FANCC: variants seen among roughly 807,000 people sequenced by gnomAD.
FANCC encodes the protein Fanconi anemia group C protein.
Under a neutral mutation model 71.3 loss-of-function variants are expected in FANCC, and 55 were observed. The ratio of observed to expected loss-of-function variants is 0.77; its 90% CI spans 0.62 to 0.97. The LOEUF (loss-of-function observed/expected upper bound fraction) is 0.97, where lower values mean the gene tolerates loss of function less well. Ranked by LOEUF, FANCC falls within the 50% of genes least tolerant of loss-of-function variation. The pLI, the probability that FANCC is intolerant of heterozygous loss-of-function variation, is 0.00. For missense variants in FANCC, 678 were observed against 670.9 expected (o/e 1.01, Z -0.12); for synonymous variants, 275 against 244.9 (o/e 1.12, Z -1.15).
chr9:95,293,389 C>A, intron 1 of FANCC: 2 of 1,582,588 alleles, frequency 1.3e-6, no homozygotes, highest in Non-Finnish European at 1.7e-6. Flanking sequence ...TCAGTAGGAA[C>A]CCTGATCCTC....
intron 7 of FANCC, among the ~76,000 whole-genome samples, chr9:95,142,062 G>A (rs13295862): frequency 0.4 from 55,758 of 139,976 alleles, 11,204 homozygotes; most frequent in East Asian, 0.6. Context: ...GCACGATCTC[G>A]GCTCACTACA....
chr9:95,170,637 C>CGTGTGTGTGTGTGT (rs3992109), intron 6 of FANCC, among the ~76,000 whole-genome samples: 11,864 of 124,026 alleles, frequency 0.096, 799 homozygotes, highest in Non-Finnish European at 0.12. Flanking sequence ...TTGTAAATAT[C>CGTGTGTGTGTGTGT]GTGTGTGTGT....
At chr9:95,189,096 T>G (rs1414334771) in intron 4 of FANCC, among the ~76,000 whole-genome samples, 2 of 152,182 alleles carry the variant, frequency 1.3e-5, no homozygotes, top group East Asian at 3.8e-4. Flanking sequence ...TGGAACAAAT[T>G]TATTCCCATC....
At chr9:95,127,649 G>A (rs1826207227) in intron 8 of FANCC, among the ~76,000 whole-genome samples, 1 of 152,222 alleles carries the variant, frequency 6.6e-6, no homozygotes, top group Non-Finnish European at 1.5e-5. Context: ...GGCGCTATTG[G>A]AAATTCAAGT....
At chr9:95,282,400 T>C (rs1050889423) in intron 1 of FANCC, among the ~76,000 whole-genome samples, 2 of 152,124 alleles carry the variant, frequency 1.3e-5, no homozygotes, top group Admixed American at 6.5e-5. Flanking sequence ...GGTAAATGTA[T>C]ATGCACCCAA....
intron 11 of FANCC, 76 bp from the exon 12 acceptor site, chr9:95,114,786 C>T (rs2072253225): frequency 8.0e-7 from 1 of 1,250,334 alleles, no homozygotes; most frequent in Non-Finnish European, 1.2e-6. Flanking sequence ...GCAGGGATGA[C>T]CTGAAGAGTC....
At chr9:95,205,459 C>T (rs1026894119) in intron 4 of FANCC, among the ~76,000 whole-genome samples, 4 of 152,044 alleles carry the variant, frequency 2.6e-5, no homozygotes, top group East Asian at 1.9e-4. Context: ...AACAAGACAG[C>T]ATCCCTTAAG....
chr9:95,104,306 G>A (rs1039237028), intron 14 of FANCC, among the ~76,000 whole-genome samples: 2 of 152,236 alleles, frequency 1.3e-5, no homozygotes, highest in African/African-American at 4.8e-5. Context: ...CACGATGGGT[G>A]CCCAGATGGC....
chr9:95,269,498 T>G (rs1293347269), intron 1 of FANCC, among the ~76,000 whole-genome samples: 1 of 152,178 alleles, frequency 6.6e-6, no homozygotes, highest in South Asian at 2.1e-4. Context: ...AGAAAATACG[T>G]AGGTGTAAGG....
rs539010936 is a variant in FANCC, at chr9:95,103,250, C to T, written c.1534-1400G>A. The stretch of plus-strand genomic sequence containing the variant: ...TCCAACCTTGCATCTTCCTTACACA[C>T]CAACACTCCTGGGTGGGCCCCTTCC... On this transcript the variant is annotated intron_variant, in intron 14 of 14. Transcript: ENST00000289081. 4.6e-5 allele frequency among the ~76,000 whole-genome samples: 7 copies of T among 152,210 alleles called. No individual in the cohort carries two copies. The South Asian group carries it at 1.2e-3, about 27-fold the overall frequency.
intron 7 of FANCC, among the ~76,000 whole-genome samples, chr9:95,137,059 G>T (rs1827806416): frequency 6.6e-6 from 1 of 152,074 alleles, no homozygotes. Context: ...CTTGCCCCAA[G>T]AAAAACAAGG....
At chr9:95,139,257 C>T (rs1276376592) in intron 7 of FANCC, among the ~76,000 whole-genome samples, 1 of 152,172 alleles carries the variant, frequency 6.6e-6, no homozygotes, top group Non-Finnish European at 1.5e-5. Context: ...CAGTTTCACC[C>T]TCTCCGTGTA....
intron 4 of FANCC, among the ~76,000 whole-genome samples, chr9:95,202,133 T>C (rs1487002352): frequency 6.6e-6 from 1 of 152,186 alleles, no homozygotes; most frequent in Non-Finnish European, 1.5e-5. Context: ...GTTAAATATA[T>C]AAAACTGCTG....
chr9:95,160,388 T>C (rs1038050456), intron 6 of FANCC, among the ~76,000 whole-genome samples: 12 of 152,150 alleles, frequency 7.9e-5, no homozygotes, highest in African/African-American at 2.7e-4. Flanking sequence ...TTGGTCTATA[T>C]CTCTGTTTTG....
chr9:95,128,093 T>C (rs973402238), intron 8 of FANCC, among the ~76,000 whole-genome samples: 1 of 152,218 alleles, frequency 6.6e-6, no homozygotes, highest in African/African-American at 2.4e-5. Context: ...AGGCAGGTTA[T>C]TTCGTGGCTT....
intron 13 of FANCC, chr9:95,110,739 ATAGAG>A: frequency 1.8e-6 from 2 of 1,096,188 alleles, no homozygotes; most frequent in Non-Finnish European, 2.2e-6. Flanking sequence ...TAAGATCAGC[ATAGAG>A]CACTGGCAGT....
chr9:95,178,477 A>C (rs937165681), intron 4 of FANCC, among the ~76,000 whole-genome samples: 6 of 152,228 alleles, frequency 3.9e-5, no homozygotes, highest in Admixed American at 3.3e-4. Flanking sequence ...ATGTCCCAGG[A>C]AGTGCCCCCT....
chr9:95,272,383 A>G (rs1444760207), intron 1 of FANCC, among the ~76,000 whole-genome samples: 1 of 152,132 alleles, frequency 6.6e-6, no homozygotes, highest in African/African-American at 2.4e-5. Flanking sequence ...AAGTATTTGG[A>G]CATCTTAGGT....
At position 95,175,460 on chromosome 9, in the gene FANCC, T is replaced by C. The variant is rs73532183; in HGVS notation, c.346-3313A>G. On this transcript the variant is annotated intron_variant, in intron 4 of 14. Transcript: ENST00000289081. ...GGATGGGGCCACTTGCTTGTTATTGTTTTTTCCCTCTTTCAGTTCAAATCT... is the reference window on the plus strand; with the variant it reads ...GGATGGGGCCACTTGCTTGTTATTGCTTTTTCCCTCTTTCAGTTCAAATCT... Among the ~76,000 whole-genome samples, 1,485 of 152,230 alleles carry C rather than the reference T, an allele frequency of 9.8e-3. 20 individuals are homozygous for C. The highest frequency in any genetic ancestry group is 0.034 in the African/African-American group (1,393 of 41,540).
Sources: gnomAD v4.1 joint callset for allele counts (sites outside exome capture counted in the v4.1 genomes callset) on GRCh38, gnomAD v4.1.1 for gene constraint, MANE v1.5 for transcripts, NCBI Gene and HGNC (gene_info 2026-07-23, HGNC 2026-07-21) for gene names.